The following KCNQ1 variants were observed in gnomAD, a reference collection of about 807,000 sequenced individuals.
KCNQ1 encodes the protein potassium voltage-gated channel subfamily Q member 1.
In KCNQ1, 49 loss-of-function variants were observed where a neutral mutation model predicts 72.4. The ratio of observed to expected loss-of-function variants is 0.68; its 90% CI spans 0.54 to 0.86. The LOEUF (loss-of-function observed/expected upper bound fraction) is 0.86. Ranked by LOEUF, KCNQ1 falls within the 40% of genes least tolerant of loss-of-function variation. KCNQ1 has a pLI of 0.00. For synonymous variants in KCNQ1, 450 were observed against 412.6 expected, an observed-to-expected ratio of 1.09 and a Z score of -1.10; for missense variants, 790 against 945.1, an observed-to-expected ratio of 0.84 and a Z score of 2.15.
intron 15 of KCNQ1, among the ~76,000 whole-genome samples, chr11:2,845,383 CT>C (rs1298334306): frequency 6.6e-6 from 1 of 152,196 alleles, no homozygotes; most frequent in Non-Finnish European, 1.5e-5. Context: ...GCCTCAGTGT[CT>C]GCATCTGTGG....
At position 2,537,439 on chromosome 11, in the gene KCNQ1, G is replaced by C. The variant is rs1177224722; in HGVS notation, c.477+9421G>C. ...AATTAGTAACAATTTTATTTTTTGGGAAAATAGAAGTGGGAGAGCGTGTGC... is the reference window on the plus strand; with the variant it reads ...AATTAGTAACAATTTTATTTTTTGGCAAAATAGAAGTGGGAGAGCGTGTGC... On this transcript the variant is annotated intron_variant, in intron 2 of 15. Transcript: ENST00000155840. The surrounding 1 kb of genome is among the most constrained non-coding windows in gnomAD (Gnocchi z 5.2). Among the ~76,000 whole-genome samples the C allele has an allele frequency of 6.6e-6, 1 of 152,072 alleles. No homozygotes were observed. The highest frequency in any genetic ancestry group is 2.4e-5 in the African/African-American group (1 of 41,338).
chr11:2,637,233 G>A (rs954679279), intron 10 of KCNQ1: 1 of 152,050 alleles, frequency 6.6e-6, no homozygotes, highest in African/African-American at 2.4e-5. Context: ...GCTTTTGAAT[G>A]TGTTTGCTCT....
rs78074744 is a variant in KCNQ1, at chr11:2,449,779, G to A, written c.386+4295G>A. Among the ~76,000 whole-genome samples the A allele has an allele frequency of 3.7e-4, 57 of 152,246 alleles. 1 individual carries two copies. In the East Asian group the frequency reaches 7.6e-3, roughly 20 times the overall value. ...CCCGTTTTTAAAGGCGTTGGGTGCCGAGAATTCCCCTCCTGCTGCTAGGCT... is the reference window on the plus strand; with the variant it reads ...CCCGTTTTTAAAGGCGTTGGGTGCCAAGAATTCCCCTCCTGCTGCTAGGCT... On this transcript the variant is annotated intron_variant, in intron 1 of 15. Transcript: ENST00000155840.
In KCNQ1 at chr11:2,611,074, G is replaced by C; in HGVS notation, c.1393+22220G>C. On this transcript the variant is annotated intron_variant, in intron 10 of 15. Coordinates refer to ENST00000155840, the MANE Select transcript of KCNQ1 (RefSeq NM_000218.3). The surrounding 1 kb of genome is among the most constrained non-coding windows in gnomAD (Gnocchi z 5.3). ...CATATACTTCAGGGCTGTGTTTTTA[G>C]CTGTTATAAATTTTTATTTCTTTAT... The C allele has an allele frequency of 2.5e-6, 1 of 398,148 alleles. No individual in the cohort carries two copies. 24.7% of individuals were successfully genotyped at this position (398,148 alleles called of 1,614,324 possible).
intron 11 of KCNQ1, among the ~76,000 whole-genome samples, chr11:2,761,241 T>C (rs1272648565): frequency 6.6e-6 from 1 of 151,768 alleles, no homozygotes; most frequent in Non-Finnish European, 1.5e-5. Flanking sequence ...CCTTCATCGT[T>C]CCTCCGGTCA....
rs775059928 is a variant in KCNQ1, at chr11:2,570,724, C to T, written c.574C>T (p.Arg192Cys). The stretch of plus-strand genomic sequence containing the variant: ...GTACGTGGGCCTCTGGGGGCGGCTG[C>T]GCTTTGCCCGGAAGCCCATTTCCAT... ...SKYVGLWGRL[R>C]FARKPISIID... Residue 192 changes from arginine to cysteine, a missense_variant, in exon 3 of 16, where the codon CGC (arginine) becomes TGC (cysteine). By Grantham distance (180) the Arg-to-Cys change is radical. This residue lies in a region of KCNQ1 where 294 missense variants were observed against 323.3 expected (regional missense o/e 0.91). Transcript: ENST00000155840. The T allele has an allele frequency of 1.2e-5, 20 of 1,611,772 alleles. No homozygotes were observed. In the East Asian group the frequency reaches 1.6e-4, roughly 13 times the overall value.
At chr11:2,760,467 G>C (rs926303325) in intron 11 of KCNQ1, among the ~76,000 whole-genome samples, 1 of 152,170 alleles carries the variant, frequency 6.6e-6, no homozygotes, top group African/African-American at 2.4e-5. Flanking sequence ...GAATGAAGCG[G>C]GTCTTTTCTC....
At position 2,473,765 on chromosome 11, in the gene KCNQ1, G is replaced by T. The variant is rs1015688581; in HGVS notation, c.386+28281G>T. ...CAGGTTGAAGCCCCCGACAGCTGGG[G>T]GAGGCATTGCTCTGCACAGGTAGGG... On this transcript the variant is annotated intron_variant, in intron 1 of 15. Coordinates refer to ENST00000155840, the MANE Select transcript of KCNQ1 (RefSeq NM_000218.3). The surrounding 1 kb of genome is among the most constrained non-coding windows in gnomAD (Gnocchi z 6.0). Among the ~76,000 whole-genome samples, 2 of 152,222 alleles carry T rather than the reference G, an allele frequency of 1.3e-5. No individual in the cohort carries two copies. Among genetic ancestry groups the T allele is most frequent in the Non-Finnish European group, 2.9e-5 (2 of 68,022 alleles).
intron 1 of KCNQ1, among the ~76,000 whole-genome samples, chr11:2,518,099 C>T (rs1564803986): frequency 6.6e-6 from 1 of 152,278 alleles, no homozygotes; most frequent in Admixed American, 6.5e-5. Flanking sequence ...ATTCAGCAAA[C>T]ACTTCACAAA....
rs1033175127 is a variant in KCNQ1, at chr11:2,703,904, G to A, written c.1514+41823G>A. Among the ~76,000 whole-genome samples, 3 of 152,170 alleles carry A rather than the reference G, an allele frequency of 2.0e-5. No individual in the cohort carries two copies. The highest frequency in any genetic ancestry group is 4.4e-5 in the Non-Finnish European group (3 of 68,024). On this transcript the variant is annotated intron_variant, in intron 11 of 15. Transcript: ENST00000155840. The surrounding 1 kb of genome is among the most constrained non-coding windows in gnomAD (Gnocchi z 6.4). ...CGGAAGCTGAGAGGCCCAGGGCCAC[G>A]TGGCAGCCTCCGCAGTCCATCTGAA...
At position 2,509,988 on chromosome 11, in the gene KCNQ1, G is replaced by T. The variant is rs1038094637; in HGVS notation, c.387-17940G>T. On this transcript the variant is annotated intron_variant, in intron 1 of 15. Coordinates refer to ENST00000155840, the MANE Select transcript of KCNQ1 (RefSeq NM_000218.3). The surrounding 1 kb of genome is among the most constrained non-coding windows in gnomAD (Gnocchi z 6.3). Reference sequence around the variant, plus strand: ...TTCCTGGTGTTTAAAGGCTAATTGGGATCGGTCGTGGTGCCTCAGGCCTGT... The same window carrying T: ...TTCCTGGTGTTTAAAGGCTAATTGGTATCGGTCGTGGTGCCTCAGGCCTGT... Among the ~76,000 whole-genome samples the T allele has an allele frequency of 6.6e-6, 1 of 152,144 alleles. No homozygotes were observed. Among genetic ancestry groups the T allele is most frequent in the African/African-American group, 2.4e-5 (1 of 41,414 alleles).
intron 11 of KCNQ1, among the ~76,000 whole-genome samples, chr11:2,756,648 G>C (rs975176639): frequency 2.0e-4 from 31 of 151,960 alleles, no homozygotes; most frequent in African/African-American, 6.5e-4. Flanking sequence ...ATGTGGTTTG[G>C]CCGTGTTGCC....
rs1238276505 is a variant in KCNQ1 at position 2,676,648 on chromosome 11, G to C, written c.1514+14567G>C. On this transcript the variant is annotated intron_variant, in intron 11 of 15. Transcript: ENST00000155840. This position sits in a 1 kb window ranked among gnomAD's most constrained non-coding sequence, Gnocchi z 4.2. ...AGCTTCACAGATTCACAGATAGATA[G>C]TTCATTAAGGTCTTGAGTATTTCCA... 4.0e-5 allele frequency: 16 copies of C among 398,552 alleles called. No homozygotes were observed. The East Asian group carries it at 5.7e-4, about 14-fold the overall frequency. 24.7% of individuals were successfully genotyped at this position (398,552 alleles called of 1,614,324 possible).
At chr11:2,831,976 A>G (rs972385607) in intron 15 of KCNQ1, among the ~76,000 whole-genome samples, 10 of 152,048 alleles carry the variant, frequency 6.6e-5, no homozygotes, top group Non-Finnish European at 2.9e-5. Context: ...CCCGTGTACC[A>G]GGAGCCTCTG....
chr11:2,748,274 G>A lies in KCNQ1; in HGVS notation c.1515-20570G>A, dbSNP rs1158026442. Among the ~76,000 whole-genome samples the A allele has an allele frequency of 6.6e-6, 1 of 152,136 alleles. No homozygotes were observed. Among genetic ancestry groups the A allele is most frequent in the Non-Finnish European group, 1.5e-5 (1 of 68,008 alleles). ...TCCCCTCAGGAATGCTGGTGAAGCT[G>A]GCATGCCCCCACCCCCTAGCTCACC... is the stretch of plus-strand genomic sequence containing the variant. On this transcript the variant is annotated intron_variant, in intron 11 of 15. Transcript: ENST00000155840. This position sits in a 1 kb window ranked among gnomAD's most constrained non-coding sequence, Gnocchi z 6.2.
At chr11:2,596,202 G>A (rs369285194) in intron 10 of KCNQ1, among the ~76,000 whole-genome samples, 23 of 152,274 alleles carry the variant, frequency 1.5e-4, no homozygotes, top group Admixed American at 6.5e-4. Context: ...AAGATGTGTC[G>A]GAGGTGGAAC....
rs140719484 is a variant in KCNQ1 at position 2,555,259 on chromosome 11, C to T, written c.478-15369C>T. 7.7e-4 allele frequency among the ~76,000 whole-genome samples: 118 copies of T among 152,324 alleles called. No individual in the cohort carries two copies. The East Asian group carries it at 0.021, about 27-fold the overall frequency. The stretch of plus-strand genomic sequence containing the variant: ...TTAAATATGACATTTTTAGAAGCTT[C>T]GGCTCCTGGCAGATAAAAATAATGT... On this transcript the variant is annotated intron_variant, in intron 2 of 15. Coordinates refer to ENST00000155840, the MANE Select transcript of KCNQ1 (RefSeq NM_000218.3).
Position 2,668,552 on chromosome 11 carries a change from T to C in KCNQ1, c.1514+6471T>C. On this transcript the variant is annotated intron_variant, in intron 11 of 15. Transcript: ENST00000155840. This position sits in a 1 kb window ranked among gnomAD's most constrained non-coding sequence, Gnocchi z 4.3. Reference sequence around the variant, plus strand: ...GCAGTAACCTGTTGACTAATGAAGTTGAGTCCCTTTCCATGTTATCATTTA... The same window carrying C: ...GCAGTAACCTGTTGACTAATGAAGTCGAGTCCCTTTCCATGTTATCATTTA... 1 of 398,664 alleles carries C rather than the reference T, an allele frequency of 2.5e-6. No homozygotes were observed. The highest frequency in any genetic ancestry group is 4.4e-6 in the Non-Finnish European group (1 of 226,072). The allele number at this position is 398,664 out of a possible 1,614,324, so 24.7% of individuals were successfully genotyped here. A position where few individuals can be genotyped will look rare whatever the true frequency, so the allele number is the denominator to read the frequency against.
chr11:2,700,556 T>C (rs1017503104), intron 11 of KCNQ1, among the ~76,000 whole-genome samples: 3 of 151,192 alleles, frequency 2.0e-5, no homozygotes, highest in Non-Finnish European at 4.4e-5. Flanking sequence ...GGAGGCGTTT[T>C]CCCCCCTCCC....
Sources: gnomAD v4.1 joint callset for allele counts (sites outside exome capture counted in the v4.1 genomes callset) on GRCh38, gnomAD v4.1.1 for gene constraint, gnomAD v4.1.1 regional missense constraint, Gnocchi (gnomAD v3.1) non-coding constraint, MANE v1.5 for transcripts, NCBI Gene and HGNC (gene_info 2026-07-23, HGNC 2026-07-21) for gene names.